The following ARMC9 variants were observed in gnomAD, a reference collection of about 807,000 sequenced individuals.
ARMC9 encodes armadillo repeat containing 9.
A neutral mutation model predicts 107.0 loss-of-function variants in ARMC9; 94 were observed. The observed-to-expected ratio is 0.88, with a 90% CI of 0.74 to 1.04. The LOEUF is 1.04. Ranked by LOEUF, ARMC9 falls within the 50% of genes least tolerant of loss-of-function variation. The probability of loss-of-function intolerance (pLI) is 0.00; values close to 1 mark genes in which losing one functional copy is unlikely to be tolerated. For synonymous variants in ARMC9, 380 were observed against 396.9 expected (o/e 0.96, Z 0.51); for missense variants, 942 against 1,030.1 (o/e 0.91, Z 1.17).
rs541563083 is a variant in ARMC9 at position 231,217,202 on chromosome 2, A to G, written c.504+409A>G. 1.6e-4 allele frequency among the ~76,000 whole-genome samples: 24 copies of G among 152,384 alleles called. No homozygotes were observed. The East Asian group carries it at 4.2e-3, about 27-fold the overall frequency. On this transcript the variant is annotated intron_variant, in intron 5 of 24. Coordinates refer to ENST00000611582, the MANE Select transcript of ARMC9 (RefSeq NM_001352754.2). ...TTGATGAAATCTTAAGCCAGATACA[A>G]GAGAGGACATGCTATGTGATTCCCT...
chr2:231,373,938 G>A lies in ARMC9; in HGVS notation c.*2403G>A, dbSNP rs2046118753. The A allele has an allele frequency of 6.6e-6, 1 of 151,978 alleles. No homozygotes were observed. The highest frequency in any genetic ancestry group is 2.4e-5 in the African/African-American group (1 of 41,346). The allele number at this position is 151,978 out of a possible 1,614,324, so 9.4% of individuals were successfully genotyped here. ...ACATTGAGATTACCAGGTGGGGTATGTGTGGTTCTTCCAGGAAAGTGCTGA... is the reference window on the plus strand; with the variant it reads ...ACATTGAGATTACCAGGTGGGGTATATGTGGTTCTTCCAGGAAAGTGCTGA... On this transcript the variant is annotated 3_prime_UTR_variant, in exon 25 of 25. Coordinates refer to ENST00000611582, the MANE Select transcript of ARMC9 (RefSeq NM_001352754.2). The surrounding 1 kb of genome is among the most constrained non-coding windows in gnomAD (Gnocchi z 4.4).
chr2:231,262,245 T>G, intron 11 of ARMC9, 61 bp from the exon 12 acceptor site: 1 of 1,505,006 alleles, frequency 6.6e-7, no homozygotes, highest in Non-Finnish European at 9.3e-7. Context: ...ACACCTGCTA[T>G]GAGAAACTTT....
chr2:231,278,897 G>A (rs140407309), intron 16 of ARMC9, among the ~76,000 whole-genome samples: 1 of 152,318 alleles, frequency 6.6e-6, no homozygotes. Flanking sequence ...TTTCCCTTGT[G>A]TTTTTAGGAC....
In ARMC9 at chr2:231,338,980, T is replaced by C. The variant is rs1327733488; in HGVS notation, c.1879-5995T>C. Among the ~76,000 whole-genome samples the C allele has an allele frequency of 2.0e-5, 3 of 152,198 alleles. No individual in the cohort carries two copies. The East Asian group carries it at 5.8e-4, about 29-fold the overall frequency. ...TTAATATTGATTGATTAAAAAACTT[T>C]GTTTTGGCCTCACATTTAGTTCATG... is the stretch of plus-strand genomic sequence containing the variant. On this transcript the variant is annotated intron_variant, in intron 20 of 24. Coordinates refer to ENST00000611582, the MANE Select transcript of ARMC9 (RefSeq NM_001352754.2).
intron 15 of ARMC9, among the ~76,000 whole-genome samples, chr2:231,277,619 G>A (rs1352230651): frequency 1.3e-5 from 2 of 151,244 alleles, no homozygotes; most frequent in African/African-American, 4.9e-5. Context: ...AGAGGCAGTG[G>A]CATGATCTTG....
chr2:231,241,312 G>T (rs1412929778), intron 9 of ARMC9, among the ~76,000 whole-genome samples: 1 of 151,968 alleles, frequency 6.6e-6, no homozygotes, highest in Non-Finnish European at 1.5e-5. Flanking sequence ...GTCGGTGATC[G>T]TGTGTCCTCC....
At chr2:231,337,288 A>ATT (rs1364070944) in intron 20 of ARMC9, among the ~76,000 whole-genome samples, 147 of 52,260 alleles carry the variant, frequency 2.8e-3, no homozygotes, top group African/African-American at 4.8e-3. Context: ...ATATATATAT[A>ATT]TATTTTTTTT....
intron 6 of ARMC9, among the ~76,000 whole-genome samples, chr2:231,224,362 G>A (rs906561805): frequency 7.2e-5 from 11 of 152,298 alleles, no homozygotes; most frequent in South Asian, 4.1e-4. Context: ...ACAGGTGGGC[G>A]AATCACCTGA....
chr2:231,283,838 T>G (rs778418965), intron 17 of ARMC9, among the ~76,000 whole-genome samples: 3 of 152,170 alleles, frequency 2.0e-5, no homozygotes, highest in Non-Finnish European at 4.4e-5. Context: ...GCTCAAGCCA[T>G]CCTCCTGCCT....
intron 1 of ARMC9, among the ~76,000 whole-genome samples, chr2:231,205,473 G>A (rs865855876): frequency 2.0e-4 from 31 of 152,322 alleles, no homozygotes; most frequent in African/African-American, 6.7e-4. Context: ...TGAATGGCAT[G>A]GTTAACATTA....
At chr2:231,365,666 G>A (rs147208337) in intron 23 of ARMC9, among the ~76,000 whole-genome samples, 2 of 139,768 alleles carry the variant, frequency 1.4e-5, no homozygotes, top group South Asian at 2.2e-4. Flanking sequence ...GGAACCAGCC[G>A]CACACACAGC....
rs562307647 is a variant in ARMC9, at chr2:231,362,286, G to T, written c.2261+1403G>T. 3.9e-5 allele frequency among the ~76,000 whole-genome samples: 6 copies of T among 152,272 alleles called. No individual in the cohort carries two copies. Among genetic ancestry groups the T allele is most frequent in the African/African-American group, 1.4e-4 (6 of 41,542 alleles). ...AAAATGAGAGACCTCTGAGGAGTGG[G>T]CTAGAGCTATCTCATGCCCCCAGTC... is the stretch of plus-strand genomic sequence containing the variant. On this transcript the variant is annotated intron_variant, in intron 23 of 24. Coordinates refer to ENST00000611582, the MANE Select transcript of ARMC9 (RefSeq NM_001352754.2). The surrounding 1 kb of genome is among the most constrained non-coding windows in gnomAD (Gnocchi z 4.7).
intron 19 of ARMC9, among the ~76,000 whole-genome samples, chr2:231,324,291 C>G (rs2043182244): frequency 2.0e-5 from 3 of 151,494 alleles, no homozygotes; most frequent in Admixed American, 2.0e-4. Context: ...CCACGCCCAG[C>G]TAATTTTTGT....
At chr2:231,325,243 T>TAAATA (rs1186777552) in intron 19 of ARMC9, among the ~76,000 whole-genome samples, 1 of 152,104 alleles carries the variant, frequency 6.6e-6, no homozygotes, top group African/African-American at 2.4e-5. Context: ...ATAATAACAA[T>TAAATA]AAATAAAATA....
At chr2:231,259,759 G>A (rs1167590646) in intron 11 of ARMC9, among the ~76,000 whole-genome samples, 1 of 152,172 alleles carries the variant, frequency 6.6e-6, no homozygotes, top group African/African-American at 2.4e-5. Context: ...CTGGCAGGCC[G>A]AGGCAGGTGG....
rs1310944834 is a variant in ARMC9 at position 231,360,164 on chromosome 2, G to T, written c.2132-590G>T. ...GCTATGATGCTATCTGGGATTCTCC[G>T]TCTGCTTCCCCGTGAAGGGCTCCTG... On this transcript the variant is annotated intron_variant, in intron 22 of 24. Coordinates refer to ENST00000611582, the MANE Select transcript of ARMC9 (RefSeq NM_001352754.2). This position sits in a 1 kb window ranked among gnomAD's most constrained non-coding sequence, Gnocchi z 4.7. 6.6e-6 allele frequency among the ~76,000 whole-genome samples: 1 copy of T among 152,024 alleles called. No individual in the cohort carries two copies. The highest frequency in any genetic ancestry group is 2.1e-4 in the South Asian group (1 of 4,810).
intron 16 of ARMC9, among the ~76,000 whole-genome samples, chr2:231,280,952 T>C (rs2040173028): frequency 1.3e-5 from 2 of 152,084 alleles, no homozygotes; most frequent in Non-Finnish European, 2.9e-5. Context: ...TTGGCAAGCA[T>C]TGAAAGTGCT....
At chr2:231,334,741 C>T (rs569589560) in intron 20 of ARMC9, among the ~76,000 whole-genome samples, 3 of 152,262 alleles carry the variant, frequency 2.0e-5, no homozygotes, top group Admixed American at 6.5e-5. Context: ...CCCTGTCACC[C>T]GGTCTTGTGA....
chr2:231,322,610 C>T (rs1230388834), intron 19 of ARMC9, among the ~76,000 whole-genome samples: 2 of 152,148 alleles, frequency 1.3e-5, no homozygotes, highest in East Asian at 3.8e-4. Flanking sequence ...CGAAAGCCTC[C>T]AGTTAAGCAT....
Sources: allele counts gnomAD v4.1 joint callset (sites outside exome capture counted in the v4.1 genomes callset), GRCh38; gene constraint gnomAD v4.1.1; non-coding constraint Gnocchi (gnomAD v3.1); transcripts MANE v1.5; gene names NCBI Gene and HGNC (gene_info 2026-07-23, HGNC 2026-07-21).